FECH: variants seen among roughly 807,000 people sequenced by gnomAD.
FECH encodes the protein ferrochelatase.
In FECH, 40 loss-of-function variants were observed where a neutral mutation model predicts 56.9. The ratio of observed to expected loss-of-function variants is 0.70; its 90% confidence interval spans 0.55 to 0.92. FECH has a LOEUF of 0.92. FECH is among the 40% of genes least tolerant of loss of function. The pLI, the probability that FECH is intolerant of heterozygous loss-of-function variation, is 0.00. For missense variants in FECH, 431 were observed against 529.1 expected, an observed-to-expected ratio of 0.81 and a Z score of 1.82; for synonymous variants, 175 against 198.6, an observed-to-expected ratio of 0.88 and a Z score of 1.00.
chr18:57,552,713 C>G (rs188061034), intron 9 of FECH, among the ~76,000 whole-genome samples: 53 of 152,230 alleles, frequency 3.5e-4, no homozygotes, highest in Middle Eastern at 3.4e-3. Context: ...GCTACTTGAT[C>G]TTTTAGATTA....
At chr18:57,582,429 C>CA (rs899133733) in intron 1 of FECH, among the ~76,000 whole-genome samples, 17 of 152,158 alleles carry the variant, frequency 1.1e-4, no homozygotes, top group African/African-American at 3.9e-4. Context: ...AAGGGGTACT[C>CA]AACCTGTAAT....
In FECH at chr18:57,550,893, G is replaced by A. The variant is rs767702770; in HGVS notation, c.1138-47C>T. The A allele has an allele frequency of 2.5e-6, 4 of 1,610,992 alleles. No homozygotes were observed. In the East Asian group the frequency reaches 6.7e-5, roughly 27 times the overall value. ...AAGACGCATGAGAAGCACAGGGTCT[G>A]CTCGTCTGCCATGCCCCCTCCTCCA... is the stretch of plus-strand genomic sequence containing the variant. On this transcript the variant is annotated intron_variant, in intron 10 of 10. Coordinates refer to ENST00000262093, the MANE Select transcript of FECH (RefSeq NM_000140.5).
rs1040922288 is a variant in FECH at position 57,545,948 on chromosome 18, T to C, written c.*4764A>G. Reference sequence around the variant, plus strand: ...TTCAAGTACTGTAGACAGTTGTCCTTCTATATTGGCAGGGAATTGGTTCCA... The same window carrying C: ...TTCAAGTACTGTAGACAGTTGTCCTCCTATATTGGCAGGGAATTGGTTCCA... On this transcript the variant is annotated 3_prime_UTR_variant, in exon 11 of 11. Transcript: ENST00000262093. 6.6e-6 allele frequency among the ~76,000 whole-genome samples: 1 copy of C among 152,172 alleles called. No homozygotes were observed. Among genetic ancestry groups the C allele is most frequent in the Non-Finnish European group, 1.5e-5 (1 of 68,032 alleles).
chr18:57,557,135 G>A (rs549842041), intron 7 of FECH, among the ~76,000 whole-genome samples: 4 of 152,148 alleles, frequency 2.6e-5, no homozygotes, highest in Admixed American at 6.5e-5. Context: ...GTTTCTCAGC[G>A]TTGGTAACTG....
At chr18:57,563,008 A>T in intron 5 of FECH, 28 bp from the exon 6 acceptor site, 1 of 1,561,550 alleles carries the variant, frequency 6.4e-7, no homozygotes, top group Non-Finnish European at 8.8e-7. Flanking sequence ...CACTTAGTAG[A>T]TGCATTTTGA....
Position 57,551,393 on chromosome 18 carries a change from G to C in FECH, c.1078-19C>G. ...CTCCACACTGAATCAAATGAGAAAA[G>C]GGAGGAAAAACACAGATATATTTTA... is the stretch of plus-strand genomic sequence containing the variant. On this transcript the variant is annotated intron_variant, in intron 9 of 10. Coordinates refer to ENST00000262093, the MANE Select transcript of FECH (RefSeq NM_000140.5). The C allele has an allele frequency of 6.2e-7, 1 of 1,605,226 alleles. No homozygotes were observed. Among genetic ancestry groups the C allele is most frequent in the Non-Finnish European group, 8.5e-7 (1 of 1,172,524 alleles).
At chr18:57,583,584 T>C (rs1034211363) in intron 1 of FECH, among the ~76,000 whole-genome samples, 2 of 152,216 alleles carry the variant, frequency 1.3e-5, no homozygotes, top group African/African-American at 2.4e-5. Context: ...GAATATCCAA[T>C]AGTATAGACT....
chr18:57,548,243 T>A lies in FECH; in HGVS notation c.*2469A>T, dbSNP rs1367609418. 1 of 135,210 alleles carries A rather than the reference T, an allele frequency of 7.4e-6. No homozygotes were observed. Among genetic ancestry groups the A allele is most frequent in the Non-Finnish European group, 1.5e-5 (1 of 65,356 alleles). The allele number at this position is 135,210 out of a possible 1,614,324, so 8.4% of individuals were successfully genotyped here. A position where few individuals can be genotyped will look rare whatever the true frequency, so the allele number is the denominator to read the frequency against. ...TCCAGCCTGGGTGACATAGCAAGAC[T>A]CCATCTTAAAAAAAAAAAAAAACAA... is the stretch of plus-strand genomic sequence containing the variant. On this transcript the variant is annotated 3_prime_UTR_variant, in exon 11 of 11. Transcript: ENST00000262093.
chr18:57,562,286 G>A (rs1163594322), intron 6 of FECH, among the ~76,000 whole-genome samples: 1 of 152,028 alleles, frequency 6.6e-6, no homozygotes, highest in East Asian at 1.9e-4. Flanking sequence ...GGTAACATCA[G>A]TTCAAAGCTA....
intron 2 of FECH, among the ~76,000 whole-genome samples, chr18:57,579,273 ATGTG>A (rs1247988263): frequency 3.2e-5 from 4 of 124,200 alleles, no homozygotes; most frequent in South Asian, 2.3e-4. Flanking sequence ...ATATATATAT[ATGTG>A]TGTGTGTATA....
chr18:57,586,274 G>C (rs1204571644), intron 1 of FECH, among the ~76,000 whole-genome samples: 1 of 152,198 alleles, frequency 6.6e-6, no homozygotes, highest in Non-Finnish European at 1.5e-5. Context: ...AATAACCAAG[G>C]CTCTGGGAAA....
At chr18:57,554,757 T>A in intron 8 of FECH, 88 bp downstream of exon 8, 1 of 1,089,482 alleles carries the variant, frequency 9.2e-7, no homozygotes, top group Non-Finnish European at 1.4e-6. Flanking sequence ...CCTGACCATG[T>A]GTAAGAGCCA....
At chr18:57,563,724 C>T (rs1382004818) in intron 5 of FECH, among the ~76,000 whole-genome samples, 1 of 151,262 alleles carries the variant, frequency 6.6e-6, no homozygotes, top group East Asian at 1.9e-4. Context: ...ACAGTCATTG[C>T]TTTACTCTAA....
chr18:57,581,782 C>G (rs1375665338), intron 1 of FECH, among the ~76,000 whole-genome samples: 1 of 152,198 alleles, frequency 6.6e-6, no homozygotes, highest in East Asian at 1.9e-4. Context: ...TTGTCAGTTT[C>G]TAGAGGACGG....
intron 1 of FECH, among the ~76,000 whole-genome samples, chr18:57,581,809 G>A (rs2122364325): frequency 6.6e-6 from 1 of 152,236 alleles, no homozygotes; most frequent in Middle Eastern, 3.4e-3. Flanking sequence ...TACCTGCTCT[G>A]ATTTTATCAC....
intron 5 of FECH, 123 bp downstream of exon 5, chr18:57,566,324 G>T (rs1443699133): frequency 7.3e-7 from 1 of 1,366,458 alleles, no homozygotes; most frequent in Admixed American, 1.7e-5. Flanking sequence ...CGTGTTTAAA[G>T]AAGACAGGTT....
intron 5 of FECH, among the ~76,000 whole-genome samples, chr18:57,565,572 G>GAAAAAAAAAAAAAAAAAA (rs57189114): frequency 7.6e-6 from 1 of 132,436 alleles, no homozygotes. Flanking sequence ...TACCATCTCA[G>GAAAAAAAAAAAAAAAAAA]AAAAAAAAAA....
At chr18:57,580,753 G>A (rs992158281) in intron 1 of FECH, among the ~76,000 whole-genome samples, 2 of 152,004 alleles carry the variant, frequency 1.3e-5, no homozygotes, top group South Asian at 2.1e-4. Context: ...CCCACCCCAC[G>A]GGGTATGCAG....
Position 57,545,564 on chromosome 18 carries a change from C to T in FECH, c.*5148G>A, listed in dbSNP as rs1206096755. ...AGAACTACTCTTTGGCAAGATGCAT[C>T]AGACGCACGGAGCGATGGTCTGGCT... is the stretch of plus-strand genomic sequence containing the variant. On this transcript the variant is annotated 3_prime_UTR_variant, in exon 11 of 11. Coordinates refer to ENST00000262093, the MANE Select transcript of FECH (RefSeq NM_000140.5). Among the ~76,000 whole-genome samples the T allele has an allele frequency of 6.6e-6, 1 of 152,200 alleles. No individual in the cohort carries two copies. Among genetic ancestry groups the T allele is most frequent in the African/African-American group, 2.4e-5 (1 of 41,452 alleles).
Sources: gnomAD v4.1 joint callset for allele counts (sites outside exome capture counted in the v4.1 genomes callset) on GRCh38, gnomAD v4.1.1 for gene constraint, MANE v1.5 for transcripts, NCBI Gene and HGNC (gene_info 2026-07-23, HGNC 2026-07-21) for gene names.